The following NBPF11 variants were observed in gnomAD, a reference collection of about 807,000 sequenced individuals.
The protein encoded by NBPF11 is NBPF family member NBPF11.
In NBPF11, 72 loss-of-function variants were observed where a neutral mutation model predicts 93.9. The ratio of observed to expected loss-of-function variants is 0.77; its 90% CI spans 0.63 to 0.93. The LOEUF (loss-of-function observed/expected upper bound fraction) is 0.93. Among genes scored for constraint, NBPF11 ranks in the 40% least tolerant of loss-of-function variants. NBPF11 has a pLI of 0.00. For missense variants in NBPF11, 705 were observed against 802.2 expected, an observed-to-expected ratio of 0.88 and a Z score of 1.46; for synonymous variants, 224 against 304.9, an observed-to-expected ratio of 0.73 and a Z score of 2.76.
At chr1:148,145,011 G>A (rs1672766885) in intron 1 of NBPF11, among the ~76,000 whole-genome samples, 1 of 148,738 alleles carries the variant, frequency 6.7e-6, no homozygotes. Context: ...GGCTGAGGCA[G>A]GAGGATTGCT....
At chr1:148,124,818 TCTTA>T in intron 6 of NBPF11, 77 bp downstream of exon 6, 2 of 1,511,190 alleles carry the variant, frequency 1.3e-6, no homozygotes, top group Non-Finnish European at 1.8e-6. Context: ...CCAGCTTCGT[TCTTA>T]CTTCTCCCCG....
chr1:148,104,110 GAGAGACAGAGACAGAGAC>G (rs796078454), intron 23 of NBPF11, among the ~76,000 whole-genome samples, 198 bp from the exon 24 acceptor site: 69 of 132,676 alleles, frequency 5.2e-4, no homozygotes, highest in African/African-American at 1.7e-3. Context: ...GACAGAGAGA[GAGAGACAGAGACAGAGAC>G]AGAGACAGAG....
chr1:148,151,796 C>A lies in NBPF11; in HGVS notation c.-595G>T, dbSNP rs1439545297. The A allele has an allele frequency of 6.6e-6, 1 of 152,176 alleles. No homozygotes were observed. The highest frequency in any genetic ancestry group is 2.4e-5 in the African/African-American group (1 of 41,350). The allele number at this position is 152,176 out of a possible 1,614,324, so 9.4% of individuals were successfully genotyped here. ...TCGCAGTAAACTTGAACTTCCCATCCAGGCTGCAGCCGTGCCGCCGTACCT... is the reference window on the plus strand; with the variant it reads ...TCGCAGTAAACTTGAACTTCCCATCAAGGCTGCAGCCGTGCCGCCGTACCT... On this transcript the variant is annotated 5_prime_UTR_variant, in exon 1 of 24. Coordinates refer to ENST00000682118, the MANE Select transcript of NBPF11 (RefSeq NM_001385469.3).
At chr1:148,126,273 A>G (rs1669089883) in intron 5 of NBPF11, among the ~76,000 whole-genome samples, 1 of 151,970 alleles carries the variant, frequency 6.6e-6, no homozygotes, top group African/African-American at 2.4e-5. Context: ...TGCTGAGATT[A>G]CAGGAGTGAG....
chr1:148,124,840 G>A lies in NBPF11; in HGVS notation c.278+59C>T, dbSNP rs1668715831. ...CGTTCTTACTTCTCCCCGCCGAGCT[G>A]CTGTACTTCAGAGATCTACACACCT... On this transcript the variant is annotated intron_variant, in intron 6 of 23. Coordinates refer to ENST00000682118, the MANE Select transcript of NBPF11 (RefSeq NM_001385469.3). 3.8e-6 allele frequency: 6 copies of A among 1,558,452 alleles called. No individual in the cohort carries two copies. In the Admixed American group the frequency reaches 8.7e-5, roughly 23 times the overall value.
At chr1:148,108,228 C>G (rs1664254391) in intron 18 of NBPF11, among the ~76,000 whole-genome samples, 5 of 151,436 alleles carry the variant, frequency 3.3e-5, no homozygotes, top group Admixed American at 2.0e-4. Flanking sequence ...CACATCTGCC[C>G]AGATCCAACA....
intron 10 of NBPF11, 21 bp downstream of exon 10, chr1:148,120,480 T>C (rs1286767267): frequency 7.8e-5 from 70 of 902,636 alleles, no homozygotes; most frequent in Non-Finnish European, 1.2e-4. Context: ...ACTTTCGTGA[T>C]GGTGAGCATA....
At chr1:148,126,728 G>T in intron 5 of NBPF11, 101 bp downstream of exon 5, 1 of 781,450 alleles carries the variant, frequency 1.3e-6, no homozygotes, top group Non-Finnish European at 2.2e-6. Context: ...ACCCATTTCT[G>T]TTTTCCTAGA....
rs1189676232 is a variant in NBPF11 at position 148,149,281 on chromosome 1, G to A, written c.-549+2469C>T. ...TGGTGCTGCACTCGCCGCTCACCTC[G>A]GGCATGCGCGTCGCCTTCCGCGACA... On this transcript the variant is annotated intron_variant, in intron 1 of 23. Coordinates refer to ENST00000682118, the MANE Select transcript of NBPF11 (RefSeq NM_001385469.3). 1.3e-5 allele frequency: 21 copies of A among 1,596,690 alleles called. 1 individual carries two copies. Among genetic ancestry groups the A allele is most frequent in the South Asian group, 3.3e-5 (3 of 90,968 alleles).
chr1:148,128,911 TGCGA>T (rs1235034873), intron 4 of NBPF11, among the ~76,000 whole-genome samples: 8 of 145,350 alleles, frequency 5.5e-5, no homozygotes, highest in African/African-American at 2.1e-4. Flanking sequence ...GAAGCGGCGG[TGCGA>T]GCATGTTCTC....
At chr1:148,133,248 C>G (rs1670712174) in intron 4 of NBPF11, among the ~76,000 whole-genome samples, 1 of 151,740 alleles carries the variant, frequency 6.6e-6, no homozygotes, top group Non-Finnish European at 1.5e-5. Context: ...GCATTGTTAA[C>G]AAACACAGTC....
chr1:148,126,781 A>T (rs1669223090), intron 5 of NBPF11, 48 bp downstream of exon 5: 2 of 1,595,710 alleles, frequency 1.3e-6, no homozygotes, highest in East Asian at 4.5e-5. Flanking sequence ...GAGAGCATTT[A>T]GTGTCTCACA....
In NBPF11 at chr1:148,124,906, C is replaced by A; in HGVS notation, c.271G>T (p.Glu91Ter). 6.2e-7 allele frequency: 1 copy of A among 1,609,688 alleles called. No homozygotes were observed. Among genetic ancestry groups the A allele is most frequent in the South Asian group, 1.1e-5 (1 of 91,004 alleles). ...KLAEQLKQAEELRQYKVLVHS... is the reference protein window; with the variant it reads ...KLAEQLKQAE ...CCTACGGGGTCCCCTCACCTGAGCT[C>A]CTCAGCTTGCTTGAGCTGCTCTGCA... Residue 91 changes from glutamate to a stop codon, truncating the protein, a stop_gained, in exon 6 of 24, where the codon GAG (glutamate) becomes TAG (stop). Coordinates refer to ENST00000682118, the MANE Select transcript of NBPF11 (RefSeq NM_001385469.3). LOFTEE classifies it high-confidence loss of function.
rs1194552991 is a variant in NBPF11, at chr1:148,124,035, C to T, written c.311G>A (p.Arg104Gln). The T allele has an allele frequency of 8.1e-4, 1,277 of 1,581,966 alleles. No homozygotes were observed. The African/African-American group carries it at 0.012, about 15-fold the overall frequency. Residue 104 changes from arginine (R) to glutamine (Q), a missense_variant, in exon 7 of 24, where the codon CGA becomes CAA. Arg to Gln is a conservative substitution (Grantham distance 43, BLOSUM62 1). This residue lies in a region of NBPF11 where 128 missense variants were observed against 112.8 expected (regional missense o/e 1.14). Coordinates refer to ENST00000682118, the MANE Select transcript of NBPF11 (RefSeq NM_001385469.3). ...QYKVLVHSQE[R>Q]ELTQLREKLR... ...CTTCTCCCTTAACTGGGTCAGCTCT[C>T]GTTCCTGAGAGTGAACCAGGACTTT...
rs1668021464 is a variant in NBPF11, at chr1:148,122,126, A to C, written c.707T>G (p.Val236Gly). 4 of 1,613,276 alleles carry C rather than the reference A, an allele frequency of 2.5e-6. No homozygotes were observed. The highest frequency in any genetic ancestry group is 3.4e-6 in the Non-Finnish European group (4 of 1,179,576). The change falls in exon 9 of 24, where the codon GTC becomes GGC. Residue 236 changes from valine to glycine, a missense_variant. By Grantham distance (109) the Val-to-Gly change is moderately radical. This residue lies in a region of NBPF11 where 262 missense variants were observed against 223.1 expected (regional missense o/e 1.17). Transcript: ENST00000682118. ...NIKITFEEDK[V>G]NSSLVVDRES... ...TCTGTCTACAACCAGAGATGAGTTG[A>C]CTTTGTCTTCCTCAAATGTGATTTT...
At chr1:148,141,811 G>A (rs1672212658) in intron 2 of NBPF11, among the ~76,000 whole-genome samples, 1 of 151,840 alleles carries the variant, frequency 6.6e-6, no homozygotes, top group Non-Finnish European at 1.5e-5. Context: ...GGAGGAGGCT[G>A]GGAGGACCTA....
intron 21 of NBPF11, 64 bp downstream of exon 21, chr1:148,106,117 T>G (rs1663543348): frequency 1.6e-6 from 1 of 624,696 alleles, no homozygotes; most frequent in African/African-American, 1.9e-5. Flanking sequence ...CCCGCTCTGT[T>G]TTCCCTGAAC....
rs1167086111 is a variant in NBPF11 at position 148,120,869 on chromosome 1, AGTCAACTT to A, written c.779-167_779-160del. 3.9e-5 allele frequency among the ~76,000 whole-genome samples: 6 copies of A among 152,036 alleles called. No individual in the cohort carries two copies. In the East Asian group the frequency reaches 9.7e-4, roughly 24 times the overall value. On this transcript the variant is annotated intron_variant, in intron 9 of 23. Transcript: ENST00000682118. ...TCATCTCCAGTCTTGATCTCCTTTA[AGTCAACTT>A]GTCTTAGCTATGCAGTCACCTTGAA...
At position 148,108,511 on chromosome 1, in the gene NBPF11, T is replaced by C; in HGVS notation, c.1997A>G (p.Gln666Arg). 2 of 1,595,380 alleles carry C rather than the reference T, an allele frequency of 1.3e-6. No homozygotes were observed. Among genetic ancestry groups the C allele is most frequent in the Non-Finnish European group, 1.7e-6 (2 of 1,166,046 alleles). Reference sequence around the variant, plus strand: ...CATGTCAACAGCCAAGCCAATACGCTGTTGCTCCAATACGTAAAAGGCACT... The same window carrying C: ...CATGTCAACAGCCAAGCCAATACGCCGTTGCTCCAATACGTAAAAGGCACT... Reference protein sequence around the residue: ...YRSAFYVLEQQRIGLAVDMDE... With the variant: ...YRSAFYVLEQRRIGLAVDMDE... The change falls in exon 18 of 24, where the codon CAG (glutamine) becomes CGG (arginine). Residue 666 changes from glutamine (Q) to arginine (R), a missense_variant. By Grantham distance (43) the Gln-to-Arg change is conservative (BLOSUM62 1). Transcript: ENST00000682118.
Sources: allele counts gnomAD v4.1 joint callset (sites outside exome capture counted in the v4.1 genomes callset), GRCh38; gene constraint gnomAD v4.1.1; regional missense constraint gnomAD v4.1.1; transcripts MANE v1.5; gene names NCBI Gene and HGNC (gene_info 2026-07-23, HGNC 2026-07-21).